The following PCDHA13 variants were observed in gnomAD, a reference collection of about 807,000 sequenced individuals.
The protein encoded by PCDHA13 is protocadherin alpha-13.
PCDHA13 carries 54 observed loss-of-function variants against 64.8 expected under a neutral mutation model. The observed-to-expected ratio is 0.83, with a 90% CI of 0.67 to 1.04. The LOEUF (loss-of-function observed/expected upper bound fraction) is 1.04, where lower values mean the gene tolerates loss of function less well. Ranked by LOEUF, PCDHA13 falls within the 50% of genes least tolerant of loss-of-function variation. PCDHA13 has a pLI of 0.00. For missense variants in PCDHA13, 1,248 were observed against 1,254.3 expected (o/e 0.99, Z 0.08); for synonymous variants, 587 against 564.4 (o/e 1.04, Z -0.57).
At chr5:140,911,592 A>G (rs1255304289) in intron 1 of PCDHA13, among the ~76,000 whole-genome samples, 1 of 152,212 alleles carries the variant, frequency 6.6e-6, no homozygotes, top group Non-Finnish European at 1.5e-5. Flanking sequence ...GGAGGAACCA[A>G]CCAACTTCAT....
In PCDHA13 at chr5:141,012,192, T is replaced by TA. The variant is rs1424309622; in HGVS notation, c.*2256dup. 1 of 153,796 alleles carries TA rather than the reference T, an allele frequency of 6.5e-6. No homozygotes were observed. The highest frequency in any genetic ancestry group is 6.5e-5 in the Admixed American group (1 of 15,282). The allele number at this position is 153,796 out of a possible 1,614,324, so 9.5% of individuals were successfully genotyped here. ...AATGATGATAATTATAATGTATCTGTACAGCACTTTTTACATTTGCGAAGT... is the reference window on the plus strand; with the variant it reads ...AATGATGATAATTATAATGTATCTGTAACAGCACTTTTTACATTTGCGAAGT... On this transcript the variant is annotated 3_prime_UTR_variant, in exon 4 of 4. Transcript: ENST00000289272.
At chr5:140,924,992 G>T (rs1383717650) in intron 1 of PCDHA13, among the ~76,000 whole-genome samples, 3 of 151,676 alleles carry the variant, frequency 2.0e-5, no homozygotes, top group African/African-American at 7.3e-5. Context: ...TGTAATCCTA[G>T]CACTTTAGGA....
intron 1 of PCDHA13, chr5:140,928,535 G>A (rs1554205968): frequency 2.5e-6 from 4 of 1,614,224 alleles, no homozygotes; most frequent in East Asian, 2.2e-5. Context: ...GTGGTAGATA[G>A]GAATGACAAT....
At chr5:140,941,202 C>CTTTCTTT (rs1554213921) in intron 1 of PCDHA13, among the ~76,000 whole-genome samples, 7,232 of 122,704 alleles carry the variant, frequency 0.059, 419 homozygotes, top group East Asian at 0.13. Flanking sequence ...TTTCTTTCTT[C>CTTTCTTT]CTTTCTTTCT....
chr5:140,966,837 T>C, intron 1 of PCDHA13: 1 of 1,566,152 alleles, frequency 6.4e-7, no homozygotes. Context: ...CCCTGGCTGC[T>C]GCTACTGCCT....
At chr5:140,892,980 G>A (rs568292110) in intron 1 of PCDHA13, among the ~76,000 whole-genome samples, 4 of 152,030 alleles carry the variant, frequency 2.6e-5, no homozygotes, top group Admixed American at 6.6e-5. Context: ...TGTAGCTGCC[G>A]TATAAGTGAG....
chr5:140,962,248 A>G (rs782618740), intron 1 of PCDHA13, among the ~76,000 whole-genome samples: 5 of 152,182 alleles, frequency 3.3e-5, no homozygotes, highest in Non-Finnish European at 5.9e-5. Context: ...ATTTTCTTCA[A>G]TGAAAAATAA....
At chr5:140,960,346 T>A (rs782732587) in intron 1 of PCDHA13, among the ~76,000 whole-genome samples, 21 of 152,174 alleles carry the variant, frequency 1.4e-4, no homozygotes, top group Admixed American at 2.6e-4. Context: ...AGGTGAGATA[T>A]GTACTGAAAT....
chr5:140,913,463 G>C (rs1230048611), intron 1 of PCDHA13, among the ~76,000 whole-genome samples: 4 of 151,500 alleles, frequency 2.6e-5, no homozygotes, highest in African/African-American at 2.4e-5. Flanking sequence ...TATTTACTTG[G>C]GTCTTCTCTC....
intron 1 of PCDHA13, among the ~76,000 whole-genome samples, chr5:140,889,104 T>C (rs2062103050): frequency 6.6e-6 from 1 of 151,956 alleles, no homozygotes; most frequent in Admixed American, 6.6e-5. Flanking sequence ...TTTTTCATCT[T>C]TATTCCAGGT....
At chr5:140,898,366 A>G (rs1401153740) in intron 1 of PCDHA13, among the ~76,000 whole-genome samples, 1 of 152,132 alleles carries the variant, frequency 6.6e-6, no homozygotes, top group Non-Finnish European at 1.5e-5. Flanking sequence ...TAATTTTTGT[A>G]TAAGGTGTAA....
At chr5:140,963,060 T>C (rs539314958) in intron 1 of PCDHA13, among the ~76,000 whole-genome samples, 11 of 152,154 alleles carry the variant, frequency 7.2e-5, no homozygotes, top group Non-Finnish European at 1.6e-4. Context: ...GGTTTCTACA[T>C]TGTGAAGGAG....
At chr5:140,928,201 G>C in intron 1 of PCDHA13, 1 of 1,614,242 alleles carries the variant, frequency 6.2e-7, no homozygotes, top group Non-Finnish European at 8.5e-7. Context: ...GTCAGTTGCT[G>C]ATGTGAATGA....
chr5:140,948,492 A>C (rs915795889), intron 1 of PCDHA13, among the ~76,000 whole-genome samples: 1 of 151,594 alleles, frequency 6.6e-6, no homozygotes, highest in Non-Finnish European at 1.5e-5. Flanking sequence ...AATTTCTTTC[A>C]TAGACTTTCT....
intron 1 of PCDHA13, among the ~76,000 whole-genome samples, chr5:140,901,280 T>G (rs1554189719): frequency 1.3e-5 from 2 of 152,132 alleles, no homozygotes. Context: ...CTCAAGAAAT[T>G]TTTGCCCAGA....
At chr5:140,919,653 C>T (rs917457975) in intron 1 of PCDHA13, among the ~76,000 whole-genome samples, 1 of 152,158 alleles carries the variant, frequency 6.6e-6, no homozygotes, top group South Asian at 2.1e-4. Context: ...CTAGAGTTTA[C>T]CATATATATT....
At chr5:141,001,303 A>G (rs2098006866) in intron 3 of PCDHA13, among the ~76,000 whole-genome samples, 2 of 152,182 alleles carry the variant, frequency 1.3e-5, no homozygotes, top group Admixed American at 1.3e-4. Context: ...GCCCAGAGAT[A>G]TGAAATAATT....
intron 3 of PCDHA13, among the ~76,000 whole-genome samples, chr5:140,999,070 T>A (rs930538088): frequency 6.1e-4 from 93 of 152,328 alleles, no homozygotes; most frequent in African/African-American, 2.1e-3. Context: ...GTAGTCTCCT[T>A]CACTTCCTCC....
intron 1 of PCDHA13, among the ~76,000 whole-genome samples, chr5:140,887,340 CCT>C (rs1554183026): frequency 1.3e-5 from 2 of 152,144 alleles, no homozygotes; most frequent in African/African-American, 4.8e-5. Flanking sequence ...TCGTGATCCA[CCT>C]GGCTCGGCCT....
Sources: allele counts gnomAD v4.1 joint callset (sites outside exome capture counted in the v4.1 genomes callset), GRCh38; gene constraint gnomAD v4.1.1; transcripts MANE v1.5; gene names NCBI Gene and HGNC (gene_info 2026-07-23, HGNC 2026-07-21).